Variants in DPP6 observed in about 807,000 individuals in gnomAD.
DPP6 encodes A-type potassium channel modulatory protein DPP6.
A neutral mutation model predicts 122.6 loss-of-function variants in DPP6; 69 were observed. The observed-to-expected ratio is 0.56, with a 90% CI of 0.46 to 0.69. The LOEUF (loss-of-function observed/expected upper bound fraction) is 0.69. Ranked by LOEUF, DPP6 falls within the 30% of genes least tolerant of loss-of-function variation. The pLI is 0.00. For synonymous variants in DPP6, 418 were observed against 433.1 expected, an observed-to-expected ratio of 0.97 and a Z score of 0.43; for missense variants, 928 against 1,116.9, an observed-to-expected ratio of 0.83 and a Z score of 2.41.
At chr7:154,373,338 T>C (rs1469649054) in intron 1 of DPP6, among the ~76,000 whole-genome samples, 3 of 152,210 alleles carry the variant, frequency 2.0e-5, no homozygotes. Context: ...TTTTATTTGA[T>C]TAATAATTAC....
chr7:153,974,360 T>G (rs1367577414), intron 1 of DPP6, among the ~76,000 whole-genome samples: 1 of 152,190 alleles, frequency 6.6e-6, no homozygotes, highest in African/African-American at 2.4e-5. Context: ...GAGCTTCGTA[T>G]TTTCAGAGAT....
At chr7:154,488,252 G>A (rs1030631158) in intron 3 of DPP6, among the ~76,000 whole-genome samples, 3 of 152,090 alleles carry the variant, frequency 2.0e-5, no homozygotes, top group Non-Finnish European at 4.4e-5. Flanking sequence ...ACTTTGGGAG[G>A]CCGAGGCTGG....
intron 16 of DPP6, among the ~76,000 whole-genome samples, chr7:154,809,725 A>C (rs1314182338): frequency 6.6e-6 from 1 of 152,204 alleles, no homozygotes; most frequent in Non-Finnish European, 1.5e-5. Flanking sequence ...ATCTTGAGAC[A>C]GGGAGCAGAC....
intron 1 of DPP6, among the ~76,000 whole-genome samples, chr7:154,424,718 T>C (rs1817750214): frequency 6.6e-6 from 1 of 152,214 alleles, no homozygotes; most frequent in African/African-American, 2.4e-5. Flanking sequence ...GCGGCCTTGT[T>C]CATTACAATG....
At chr7:154,866,296 C>T (rs2150618542) in intron 17 of DPP6, among the ~76,000 whole-genome samples, 1 of 152,386 alleles carries the variant, frequency 6.6e-6, no homozygotes, top group South Asian at 2.1e-4. Flanking sequence ...ACTCCTCTCA[C>T]CTGAGTGTGT....
intron 1 of DPP6, among the ~76,000 whole-genome samples, chr7:154,409,353 CAGAGGCCGCAGATGAAAAGAGTCCTGCTG>C (rs1816396448): frequency 6.6e-6 from 1 of 152,138 alleles, no homozygotes; most frequent in African/African-American, 2.4e-5. Context: ...AAGCCAAGGG[CAGAGGCCGCAGATGAAAAGAGTCCTGCTG>C]ACACCTTCAT....
intron 1 of DPP6, among the ~76,000 whole-genome samples, chr7:154,318,805 C>G (rs7800477): frequency 0.045 from 6,889 of 152,208 alleles, 168 homozygotes; most frequent in Middle Eastern, 0.092. Flanking sequence ...CCCACCCCCC[C>G]CAAGCCATGG....
At chr7:154,410,523 C>T (rs555888448) in intron 1 of DPP6, among the ~76,000 whole-genome samples, 2 of 152,326 alleles carry the variant, frequency 1.3e-5, no homozygotes, top group African/African-American at 2.4e-5. Flanking sequence ...TAGTACACCT[C>T]CTTGGATAAC....
chr7:154,052,149 C>A (rs531198484), upstream of DPP6, among the ~76,000 whole-genome samples: 781 of 144,974 alleles, frequency 5.4e-3, 22 homozygotes, highest in East Asian at 7.9e-3. The surrounding 1 kb of genome is among the most constrained non-coding windows in gnomAD (Gnocchi z 4.8). Context: ...GGGGCCGCAG[C>A]ACCCTGAGCT....
At chr7:154,880,494 C>A (rs1035887245) in intron 20 of DPP6, among the ~76,000 whole-genome samples, 1 of 152,200 alleles carries the variant, frequency 6.6e-6, no homozygotes, top group Admixed American at 6.5e-5. Flanking sequence ...AGATTCCTGC[C>A]GACCCCTAAG....
At chr7:154,817,906 C>T (rs995289017) in intron 16 of DPP6, among the ~76,000 whole-genome samples, 2 of 151,904 alleles carry the variant, frequency 1.3e-5, no homozygotes, top group African/African-American at 4.8e-5. Context: ...ATGTGTGTCA[C>T]CCACAGTCAT....
At chr7:154,199,263 C>T (rs1799040083) in intron 1 of DPP6, among the ~76,000 whole-genome samples, 1 of 152,144 alleles carries the variant, frequency 6.6e-6, no homozygotes, top group Admixed American at 6.5e-5. Context: ...GTGGGTTATC[C>T]TAAGCGTCCC....
intron 16 of DPP6, among the ~76,000 whole-genome samples, chr7:154,837,355 T>C (rs1181716780): frequency 3.5e-5 from 5 of 142,866 alleles, no homozygotes; most frequent in Admixed American, 6.7e-5. Context: ...CATGCACACA[T>C]GCATGCATAC....
chr7:154,231,955 G>A (rs143872427), intron 1 of DPP6, among the ~76,000 whole-genome samples: 3 of 152,274 alleles, frequency 2.0e-5, no homozygotes, highest in Admixed American at 6.5e-5. Flanking sequence ...GTGCTGCTTC[G>A]CATCCAGAGG....
At chr7:154,372,765 G>A (rs548137166) in intron 1 of DPP6, among the ~76,000 whole-genome samples, 1 of 152,212 alleles carries the variant, frequency 6.6e-6, no homozygotes, top group Non-Finnish European at 1.5e-5. Flanking sequence ...GCCAGTGCAG[G>A]TTCTGCTCTG....
chr7:154,286,053 A>G (rs1205911613), intron 1 of DPP6, among the ~76,000 whole-genome samples: 1 of 152,204 alleles, frequency 6.6e-6, no homozygotes, highest in Non-Finnish European at 1.5e-5. Context: ...TTTTAAAAAC[A>G]TAGATTCTCT....
intron 1 of DPP6, among the ~76,000 whole-genome samples, chr7:154,324,453 C>G (rs1808246623): frequency 6.6e-6 from 1 of 152,186 alleles, no homozygotes; most frequent in Non-Finnish European, 1.5e-5. Context: ...CGTATCAGAA[C>G]CCAAAACCTA....
chr7:153,890,855 CTTT>C (rs11367327), intron 1 of DPP6, among the ~76,000 whole-genome samples: 27 of 125,098 alleles, frequency 2.2e-4, no homozygotes, highest in African/African-American at 6.8e-4. Context: ...CCATGCCTGG[CTTT>C]TTTTTTTTTT....
chr7:154,521,845 CTT>C (rs976634811), intron 3 of DPP6, among the ~76,000 whole-genome samples: 1 of 152,226 alleles, frequency 6.6e-6, no homozygotes, highest in African/African-American at 2.4e-5. Context: ...AATTCTCCAC[CTT>C]TGTTTCCAAG....
Sources: gnomAD v4.1 joint callset for allele counts (sites outside exome capture counted in the v4.1 genomes callset) on GRCh38, gnomAD v4.1.1 for gene constraint, Gnocchi (gnomAD v3.1) non-coding constraint, MANE v1.5 for transcripts, NCBI Gene and HGNC (gene_info 2026-07-23, HGNC 2026-07-21) for gene names.